BCHE: variants seen among roughly 807,000 people sequenced by gnomAD.
BCHE encodes the protein cholinesterase.
BCHE carries 48 observed loss-of-function variants against 51.3 expected under a neutral mutation model. That is an observed-to-expected ratio of 0.94 (90% CI 0.74 to 1.19). The LOEUF (loss-of-function observed/expected upper bound fraction) is 1.19, where lower values mean the gene tolerates loss of function less well. BCHE is among the 50% of genes most tolerant of loss of function. The pLI is 0.00. For synonymous variants in BCHE, 251 were observed against 238.0 expected (o/e 1.05, Z -0.50); for missense variants, 847 against 708.2 (o/e 1.20, Z -2.23).
At chr3:165,777,916 A>G (rs192991275) in intron 3 of BCHE, 4 of 255,132 alleles carry the variant, frequency 1.6e-5, no homozygotes, top group Non-Finnish European at 3.1e-5. Flanking sequence ...TTACTTTATT[A>G]TAATAATATA....
Position 165,837,391 on chromosome 3 carries a change from G to T in BCHE, c.-86C>A. On this transcript the variant is annotated 5_prime_UTR_variant, in exon 1 of 4. In the 5' UTR this introduces an upstream ATG that the reference lacks. Coordinates refer to ENST00000264381, the MANE Select transcript of BCHE (RefSeq NM_000055.4). ...ATACTTCGGGGAAATGCAGGATGCA[G>T]CTGCTGCTCCAGCCTGTAAATTGGA... is the stretch of plus-strand genomic sequence containing the variant. 1 of 1,289,780 alleles carries T rather than the reference G, an allele frequency of 7.8e-7. No homozygotes were observed. The highest frequency in any genetic ancestry group is 1.0e-6 in the Non-Finnish European group (1 of 988,832). The allele number at this position is 1,289,780 out of a possible 1,614,324, so 79.9% of individuals were successfully genotyped here.
chr3:165,799,607 G>A (rs1240192998), intron 2 of BCHE, among the ~76,000 whole-genome samples: 1 of 152,084 alleles, frequency 6.6e-6, no homozygotes, highest in African/African-American at 2.4e-5. Flanking sequence ...GAAGCTGTCA[G>A]CACAACAAAT....
intron 2 of BCHE, among the ~76,000 whole-genome samples, chr3:165,820,070 A>ATTT (rs1714455260): frequency 6.6e-6 from 1 of 152,084 alleles, no homozygotes; most frequent in Non-Finnish European, 1.5e-5. Flanking sequence ...TATAAATGAG[A>ATTT]TTTTCCATGT....
At chr3:165,784,257 T>C (rs573248996) in intron 3 of BCHE, among the ~76,000 whole-genome samples, 14 of 151,964 alleles carry the variant, frequency 9.2e-5, no homozygotes, top group Non-Finnish European at 1.9e-4. Flanking sequence ...GCCCTTAATC[T>C]TTTTAATCTG....
At chr3:165,809,176 G>T (rs1354896310) in intron 2 of BCHE, among the ~76,000 whole-genome samples, 1 of 152,006 alleles carries the variant, frequency 6.6e-6, no homozygotes, top group African/African-American at 2.4e-5. Flanking sequence ...GAAAAAAACC[G>T]TTATGGACTT....
In BCHE at chr3:165,831,642, A is replaced by T. The variant is rs141788080; in HGVS notation, c.-8-601T>A. 2.9e-3 allele frequency among the ~76,000 whole-genome samples: 445 copies of T among 152,330 alleles called. 5 individuals carry two copies. Among genetic ancestry groups the T allele is most frequent in the African/African-American group, 0.01 (424 of 41,588 alleles). On this transcript the variant is annotated intron_variant, in intron 1 of 3. Coordinates refer to ENST00000264381, the MANE Select transcript of BCHE (RefSeq NM_000055.4). ...AAACTGAAGAGAATTTAGACAATTT[A>T]TTCACAGAATATTAAGTAACAAATA...
Position 165,829,638 on chromosome 3 carries a change from G to A in BCHE, c.1396C>T (p.His466Tyr). The A allele has an allele frequency of 6.2e-7, 1 of 1,613,790 alleles. No individual in the cohort carries two copies. Among genetic ancestry groups the A allele is most frequent in the East Asian group, 2.2e-5 (1 of 44,860 alleles). ...AAGACAAATTCAATTTCATAGCCATGCATCACTCCCATCCATTCTGGCCAC... is the reference window on the plus strand; with the variant it reads ...AAGACAAATTCAATTTCATAGCCATACATCACTCCCATCCATTCTGGCCAC... ...LPWPEWMGVM[H>Y]GYEIEFVFGL... is the part of the protein sequence containing the mutation. The change falls in exon 2 of 4, where the codon CAT becomes TAT. Residue 466 changes from histidine to tyrosine, a missense_variant. Transcript: ENST00000264381.
intron 2 of BCHE, among the ~76,000 whole-genome samples, chr3:165,803,639 G>T (rs1713752774): frequency 6.6e-6 from 1 of 152,038 alleles, no homozygotes; most frequent in Admixed American, 6.6e-5. Flanking sequence ...TTTTCTAAAG[G>T]TCAAGTTGAC....
At chr3:165,823,784 G>T (rs1242182521) in intron 2 of BCHE, among the ~76,000 whole-genome samples, 1 of 151,936 alleles carries the variant, frequency 6.6e-6, no homozygotes, top group African/African-American at 2.4e-5. Flanking sequence ...TCAGAGAGGA[G>T]ATCTGTTCTG....
chr3:165,800,060 A>G (rs1353658153), intron 2 of BCHE, among the ~76,000 whole-genome samples: 1 of 151,952 alleles, frequency 6.6e-6, no homozygotes, highest in East Asian at 1.9e-4. Context: ...ATAATCAAAG[A>G]TTTCTATTCT....
At chr3:165,784,518 T>A (rs1231597954) in intron 3 of BCHE, among the ~76,000 whole-genome samples, 2 of 151,924 alleles carry the variant, frequency 1.3e-5, no homozygotes, top group African/African-American at 4.8e-5. Context: ...CACAGCTAGG[T>A]AGGTATTTCC....
chr3:165,809,778 T>G (rs1714021891), intron 2 of BCHE, among the ~76,000 whole-genome samples: 1 of 152,070 alleles, frequency 6.6e-6, no homozygotes, highest in Admixed American at 6.6e-5. Flanking sequence ...AAGAGAAGTG[T>G]CATGGCTTTT....
intron 1 of BCHE, among the ~76,000 whole-genome samples, chr3:165,832,443 G>C (rs1715024583): frequency 6.6e-6 from 1 of 151,740 alleles, no homozygotes; most frequent in Non-Finnish European, 1.5e-5. Flanking sequence ...CAGGTGTATG[G>C]CACCACACCC....
intron 3 of BCHE, among the ~76,000 whole-genome samples, chr3:165,780,009 C>T (rs1410917363): frequency 6.6e-6 from 1 of 152,128 alleles, no homozygotes; most frequent in Non-Finnish European, 1.5e-5. Context: ...TGACTTCAAA[C>T]TATACTACAA....
At position 165,829,639 on chromosome 3, in the gene BCHE, C is replaced by CT. The variant is rs768538614; in HGVS notation, c.1394_1395insA (p.Met465IlefsTer5). On this transcript the variant is annotated frameshift_variant, in exon 2 of 4. Transcript: ENST00000264381. LOFTEE classifies it high-confidence loss of function. ...AGACAAATTCAATTTCATAGCCATG[C>CT]ATCACTCCCATCCATTCTGGCCACG... 1.9e-6 allele frequency: 3 copies of CT among 1,613,854 alleles called. No homozygotes were observed. Among genetic ancestry groups the CT allele is most frequent in the Non-Finnish European group, 2.5e-6 (3 of 1,179,860 alleles).
At chr3:165,819,644 T>C (rs923777984) in intron 2 of BCHE, among the ~76,000 whole-genome samples, 1 of 152,152 alleles carries the variant, frequency 6.6e-6, no homozygotes, top group Non-Finnish European at 1.5e-5. Flanking sequence ...GTTTTGCTGC[T>C]ACCACTATTT....
intron 2 of BCHE, among the ~76,000 whole-genome samples, chr3:165,791,389 G>T (rs1266455088): frequency 6.6e-6 from 1 of 152,156 alleles, no homozygotes; most frequent in Non-Finnish European, 1.5e-5. Context: ...ATGGTTCAAG[G>T]TGACCAATTA....
At chr3:165,821,237 C>A (rs1342113394) in intron 2 of BCHE, among the ~76,000 whole-genome samples, 2 of 151,478 alleles carry the variant, frequency 1.3e-5, no homozygotes, top group Non-Finnish European at 3.0e-5. Flanking sequence ...AAAAATATAA[C>A]AAAAAGTAAA....
intron 2 of BCHE, among the ~76,000 whole-genome samples, chr3:165,788,157 G>C (rs527720117): frequency 3.4e-4 from 51 of 152,072 alleles, no homozygotes; most frequent in African/African-American, 1.2e-3. Flanking sequence ...AAGTCTCTAA[G>C]TCCAGTAGAA....
Sources: gnomAD v4.1 joint callset for allele counts (sites outside exome capture counted in the v4.1 genomes callset) on GRCh38, gnomAD v4.1.1 for gene constraint, MANE v1.5 for transcripts, NCBI Gene and HGNC (gene_info 2026-07-23, HGNC 2026-07-21) for gene names.